GDAP1: variants seen among roughly 807,000 people sequenced by gnomAD.
The protein encoded by GDAP1 is ganglioside induced differentiation associated protein 1, also known as ganglioside-induced differentiation-associated protein 1.
Under a neutral mutation model 40.1 loss-of-function variants are expected in GDAP1, and 34 were observed. The observed-to-expected ratio is 0.85, with a 90% CI of 0.64 to 1.13. The LOEUF (loss-of-function observed/expected upper bound fraction) is 1.13. GDAP1 is among the 50% of genes most tolerant of loss of function. GDAP1 has a pLI of 0.00. For synonymous variants in GDAP1, 170 were observed against 157.4 expected (o/e 1.08, Z -0.60); for missense variants, 374 against 433.7 (o/e 0.86, Z 1.22).
rs186917845 is a variant in GDAP1 at position 74,358,971 on chromosome 8, A to T, written c.311-1166A>T. The stretch of plus-strand genomic sequence containing the variant: ...GATATCTTAATATTTTGAAATTGTG[A>T]TAGTTATTAGACCTGACATTTTTTA... On this transcript the variant is annotated intron_variant, in intron 2 of 5. Transcript: ENST00000220822. 2.0e-5 allele frequency among the ~76,000 whole-genome samples: 3 copies of T among 152,324 alleles called. No homozygotes were observed. The East Asian group carries it at 5.8e-4, about 29-fold the overall frequency.
At chr8:74,483,512 G>A (rs1352399241) in intron 2 of GDAP1, among the ~76,000 whole-genome samples, 1 of 152,084 alleles carries the variant, frequency 6.6e-6, no homozygotes, top group African/African-American at 2.4e-5. Context: ...GTACTCTCAA[G>A]ATAAAGTATT....
downstream of GDAP1, among the ~76,000 whole-genome samples, chr8:74,369,475 C>T (rs1586811385): frequency 6.6e-6 from 1 of 151,994 alleles, no homozygotes; most frequent in East Asian, 1.9e-4. Context: ...GTGAAAAATT[C>T]ATTGGATGGG....
intron 2 of GDAP1, among the ~76,000 whole-genome samples, chr8:74,403,059 C>T (rs1586823687): frequency 6.7e-6 from 1 of 150,086 alleles, no homozygotes; most frequent in Non-Finnish European, 1.5e-5. Context: ...ATTTTCATTA[C>T]AAACACATAC....
intron 2 of GDAP1, among the ~76,000 whole-genome samples, chr8:74,409,024 C>T (rs1420289779): frequency 1.3e-5 from 2 of 149,846 alleles, no homozygotes; most frequent in East Asian, 3.9e-4. Context: ...TCACCAGAGT[C>T]ATTTGGGGTA....
chr8:74,457,506 G>A (rs1288030337), intron 2 of GDAP1, among the ~76,000 whole-genome samples: 1 of 151,920 alleles, frequency 6.6e-6, no homozygotes, highest in East Asian at 1.9e-4. Context: ...CTGTTTCTAT[G>A]GAGAGAAGGA....
chr8:74,371,586 G>A (rs1286265282), downstream of GDAP1, among the ~76,000 whole-genome samples: 3 of 151,854 alleles, frequency 2.0e-5, no homozygotes, highest in African/African-American at 7.2e-5. Context: ...CGTGAACCCG[G>A]GAGGCGGAGC....
intron 2 of GDAP1, among the ~76,000 whole-genome samples, chr8:74,355,292 A>G (rs1809044834): frequency 6.6e-6 from 1 of 152,142 alleles, no homozygotes; most frequent in South Asian, 2.1e-4. Flanking sequence ...GTAACCATTT[A>G]TTGGGTATTA....
chr8:74,469,270 T>C (rs958609768), intron 2 of GDAP1, among the ~76,000 whole-genome samples: 3 of 152,210 alleles, frequency 2.0e-5, no homozygotes, highest in Admixed American at 2.0e-4. Context: ...TGTTAACATA[T>C]TTGTTTAATA....
intron 2 of GDAP1, among the ~76,000 whole-genome samples, chr8:74,405,104 G>A (rs1034272649): frequency 1.3e-5 from 2 of 150,114 alleles, no homozygotes; most frequent in Admixed American, 6.6e-5. Flanking sequence ...AAATCGCTGA[G>A]GAGGCCTCAC....
intron 2 of GDAP1, among the ~76,000 whole-genome samples, chr8:74,477,041 G>A (rs1806638382): frequency 6.6e-6 from 1 of 152,090 alleles, no homozygotes; most frequent in Admixed American, 6.5e-5. Flanking sequence ...CCGGTGTTCA[G>A]TCTCTGAGAT....
chr8:74,433,428 T>C (rs1806051258), intron 2 of GDAP1, among the ~76,000 whole-genome samples: 1 of 152,158 alleles, frequency 6.6e-6, no homozygotes, highest in Non-Finnish European at 1.5e-5. Context: ...GTTTCATAAA[T>C]ATTTGTTAGA....
chr8:74,485,980 G>A (rs1158611867), intron 2 of GDAP1, among the ~76,000 whole-genome samples: 2 of 152,144 alleles, frequency 1.3e-5, no homozygotes, highest in Non-Finnish European at 2.9e-5. Context: ...AAAATCTGTG[G>A]TACTGAACTC....
intron 2 of GDAP1, among the ~76,000 whole-genome samples, chr8:74,401,766 TC>T (rs1357592744): frequency 2.7e-5 from 4 of 150,060 alleles, no homozygotes; most frequent in African/African-American, 1.0e-4. Flanking sequence ...TAGTTTTCCT[TC>T]TAACAGACAG....
chr8:74,432,745 G>C (rs773950775), intron 2 of GDAP1, among the ~76,000 whole-genome samples: 2 of 152,116 alleles, frequency 1.3e-5, no homozygotes, highest in Non-Finnish European at 2.9e-5. Context: ...CTAAAAATTC[G>C]CTTTATTGGA....
At chr8:74,397,127 T>A (rs1472398536) in intron 2 of GDAP1, among the ~76,000 whole-genome samples, 4 of 152,194 alleles carry the variant, frequency 2.6e-5, no homozygotes, top group Non-Finnish European at 5.9e-5. Context: ...CATTTTTTCA[T>A]GTATCTGTTG....
intron 2 of GDAP1, among the ~76,000 whole-genome samples, chr8:74,373,164 G>GTA (rs1330268849): frequency 2.6e-5 from 4 of 152,246 alleles, no homozygotes; most frequent in African/African-American, 9.6e-5. Context: ...CTGTAGCCTT[G>GTA]TAGTATAGTT....
intron 2 of GDAP1, among the ~76,000 whole-genome samples, chr8:74,352,745 A>G (rs1808941159): frequency 6.6e-6 from 1 of 152,216 alleles, no homozygotes; most frequent in Non-Finnish European, 1.5e-5. Context: ...GAAAATGACA[A>G]CTAGTTCATT....
rs112985342 is a variant in GDAP1 at position 74,435,787 on chromosome 8, T to C, written c.166-52891T>C. Among the ~76,000 whole-genome samples, 813 of 152,334 alleles carry C rather than the reference T, an allele frequency of 5.3e-3. 6 individuals are homozygous for C. Among genetic ancestry groups the C allele is most frequent in the African/African-American group, 0.017 (705 of 41,576 alleles). ...ATAAATCAACTCTTTGATTTCTCTT[T>C]ACTTTTTCTTCAGTTGGTTAGTCTA... is the stretch of plus-strand genomic sequence containing the variant. On this transcript the variant is annotated intron_variant, in intron 2 of 2. Transcript: ENST00000523640.
intron 2 of GDAP1, among the ~76,000 whole-genome samples, chr8:74,426,959 T>C (rs1805955098): frequency 6.6e-6 from 1 of 152,210 alleles, no homozygotes; most frequent in South Asian, 2.1e-4. Flanking sequence ...GGTAGATTGT[T>C]ATAACCATGG....
Sources: allele counts gnomAD v4.1 joint callset (sites outside exome capture counted in the v4.1 genomes callset), GRCh38; gene constraint gnomAD v4.1.1; transcripts MANE v1.5; gene names NCBI Gene and HGNC (gene_info 2026-07-23, HGNC 2026-07-21).